Variants in PCDHA2 observed in about 807,000 individuals in gnomAD.
PCDHA2 encodes the protein protocadherin alpha 2.
PCDHA2 carries 58 observed loss-of-function variants against 66.0 expected under a neutral mutation model. The ratio of observed to expected loss-of-function variants is 0.88; its 90% confidence interval spans 0.71 to 1.09. PCDHA2 has a LOEUF of 1.09. Among genes scored for constraint, PCDHA2 ranks in the 50% least tolerant of loss-of-function variants. PCDHA2 has a pLI of 0.00. For missense variants in PCDHA2, 1,267 were observed against 1,242.3 expected, an observed-to-expected ratio of 1.02 and a Z score of -0.30; for synonymous variants, 634 against 554.0, an observed-to-expected ratio of 1.14 and a Z score of -2.03.
chr5:140,894,574 T>C (rs997238240), intron 1 of PCDHA2, among the ~76,000 whole-genome samples: 2 of 152,002 alleles, frequency 1.3e-5, no homozygotes, highest in African/African-American at 2.4e-5. Context: ...TTTTCCTTTT[T>C]TTTAATATTT....
chr5:140,823,173 C>G lies in PCDHA2; in HGVS notation c.2388+25821C>G, dbSNP rs2150123089. On this transcript the variant is annotated intron_variant, in intron 1 of 3. Transcript: ENST00000526136. ...AGTATACCGTGTTCGTGAAGGAGAA[C>G]AACCCGCCAGGCTGCCACATCTTCA... is the stretch of plus-strand genomic sequence containing the variant. The G allele has an allele frequency of 2.5e-6, 4 of 1,613,906 alleles. No homozygotes were observed. The African/African-American group carries it at 5.3e-5, about 22-fold the overall frequency.
At chr5:140,814,608 T>C (rs1315779176) in intron 1 of PCDHA2, 1 of 152,216 alleles carries the variant, frequency 6.6e-6, no homozygotes, top group Non-Finnish European at 1.5e-5. Context: ...TGCTATCTTG[T>C]ACTTTTATAT....
At chr5:140,853,407 GA>G (rs1453850147) in intron 1 of PCDHA2, 1 of 986,146 alleles carries the variant, frequency 1.0e-6, no homozygotes, top group African/African-American at 1.8e-5. Flanking sequence ...TCAAAACAGA[GA>G]GGTGAAAGCA....
At chr5:140,906,693 G>T (rs887867103) in intron 1 of PCDHA2, among the ~76,000 whole-genome samples, 3 of 152,082 alleles carry the variant, frequency 2.0e-5, no homozygotes, top group African/African-American at 7.2e-5. Flanking sequence ...GAAGGATCTG[G>T]GCCATTTGTA....
chr5:140,967,727 G>A, intron 1 of PCDHA2: 1 of 1,614,148 alleles, frequency 6.2e-7, no homozygotes. Context: ...GCGAGTAATT[G>A]GGGGGCTGGA....
intron 1 of PCDHA2, among the ~76,000 whole-genome samples, chr5:140,915,400 T>C (rs1554196884): frequency 6.6e-6 from 1 of 152,224 alleles, no homozygotes; most frequent in East Asian, 1.9e-4. Context: ...GTATTTCTTA[T>C]AGTCTTTGCA....
At chr5:140,823,280 C>T (rs150026852) in intron 1 of PCDHA2, 1 of 1,612,450 alleles carries the variant, frequency 6.2e-7, no homozygotes, top group Non-Finnish European at 8.5e-7. Context: ...GGCGAGCGCC[C>T]GCTGTCGAGT....
At chr5:140,930,675 A>G (rs1326713897) in intron 1 of PCDHA2, among the ~76,000 whole-genome samples, 2 of 152,234 alleles carry the variant, frequency 1.3e-5, no homozygotes, top group Non-Finnish European at 2.9e-5. Flanking sequence ...TATTCTAGGC[A>G]ATAAGGGGAA....
intron 1 of PCDHA2, among the ~76,000 whole-genome samples, chr5:140,798,441 A>T (rs1270058806): frequency 1.3e-5 from 2 of 152,174 alleles, no homozygotes; most frequent in Non-Finnish European, 2.9e-5. Context: ...TAAAAATCAC[A>T]CTGGGGTTTT....
intron 1 of PCDHA2, among the ~76,000 whole-genome samples, chr5:140,895,802 CTGTATTGTAT>C (rs1289601886): frequency 6.6e-6 from 1 of 152,048 alleles, no homozygotes; most frequent in Admixed American, 6.6e-5. Context: ...ATGTACAATA[CTGTATTGTAT>C]TGTATTGTAT....
At chr5:140,896,706 T>C (rs188797791) in intron 1 of PCDHA2, among the ~76,000 whole-genome samples, 169 of 152,248 alleles carry the variant, frequency 1.1e-3, no homozygotes, top group East Asian at 5.2e-3. Context: ...AGGTTGTTTG[T>C]TTTTTGCTTG....
At chr5:140,991,026 T>A (rs1003749305) in intron 3 of PCDHA2, among the ~76,000 whole-genome samples, 8 of 152,210 alleles carry the variant, frequency 5.3e-5, no homozygotes, top group Admixed American at 2.0e-4. Context: ...ACTTTACATA[T>A]GTTGCATACT....
chr5:140,986,073 G>A (rs1428668406), intron 3 of PCDHA2, among the ~76,000 whole-genome samples: 1 of 152,176 alleles, frequency 6.6e-6, no homozygotes, highest in East Asian at 1.9e-4. Context: ...TAAAGAAACT[G>A]TTCATTTATT....
intron 1 of PCDHA2, among the ~76,000 whole-genome samples, chr5:140,907,796 A>AG (rs2073616997): frequency 6.6e-6 from 1 of 152,214 alleles, no homozygotes; most frequent in African/African-American, 2.4e-5. Flanking sequence ...AAAGAGGCTA[A>AG]GTGGTGTCCA....
In PCDHA2 at chr5:140,911,678, G is replaced by A. The variant is rs551063911; in HGVS notation, c.2389-67271G>A. ...CTAAACTCCTTGCCTCTCACGAACCGTGCATCAGGAGTGTCAAATGAATTT... is the reference window on the plus strand; with the variant it reads ...CTAAACTCCTTGCCTCTCACGAACCATGCATCAGGAGTGTCAAATGAATTT... On this transcript the variant is annotated intron_variant, in intron 1 of 3. Coordinates refer to ENST00000526136, the MANE Select transcript of PCDHA2 (RefSeq NM_018905.3). Among the ~76,000 whole-genome samples the A allele has an allele frequency of 7.9e-5, 12 of 152,234 alleles. No homozygotes were observed. The South Asian group carries it at 1.2e-3, about 16-fold the overall frequency.
intron 3 of PCDHA2, among the ~76,000 whole-genome samples, chr5:141,005,701 C>CAA (rs59860837): frequency 0.061 from 476 of 7,774 alleles, 114 homozygotes; most frequent in African/African-American, 0.16. Flanking sequence ...AACTCCGTCT[C>CAA]AAAAAAAAAA....
chr5:140,960,708 T>C (rs578004240), intron 1 of PCDHA2, among the ~76,000 whole-genome samples: 1 of 152,142 alleles, frequency 6.6e-6, no homozygotes, highest in Non-Finnish European at 1.5e-5. Context: ...TAGTGCCAAA[T>C]ACTCATCTTA....
At chr5:140,841,636 C>T (rs2150319848) in intron 1 of PCDHA2, 1 of 1,614,130 alleles carries the variant, frequency 6.2e-7, no homozygotes. Flanking sequence ...GCAGCATCCA[C>T]CTGGAGGTGA....
intron 1 of PCDHA2, among the ~76,000 whole-genome samples, chr5:140,974,018 T>C (rs2096611642): frequency 1.3e-5 from 2 of 152,222 alleles, no homozygotes; most frequent in Non-Finnish European, 1.5e-5. Context: ...CATGTGATAA[T>C]ACAACTATAA....
Sources: gnomAD v4.1 joint callset for allele counts (sites outside exome capture counted in the v4.1 genomes callset) on GRCh38, gnomAD v4.1.1 for gene constraint, MANE v1.5 for transcripts, NCBI Gene and HGNC (gene_info 2026-07-23, HGNC 2026-07-21) for gene names.